The following PPP2R2D variants were observed in gnomAD, a reference collection of about 807,000 sequenced individuals.
PPP2R2D encodes serine/threonine-protein phosphatase 2A 55 kDa regulatory subunit B delta isoform.
PPP2R2D carries 9 observed loss-of-function variants against 31.1 expected under a neutral mutation model. The ratio of observed to expected loss-of-function variants is 0.29; its 90% confidence interval spans 0.17 to 0.51. The LOEUF (loss-of-function observed/expected upper bound fraction) is 0.51. PPP2R2D is among the 20% of genes least tolerant of loss of function. The pLI is 0.98. For missense variants in PPP2R2D, 391 were observed against 465.6 expected (o/e 0.84, Z 1.48); for synonymous variants, 179 against 172.6 (o/e 1.04, Z -0.29).
In PPP2R2D at chr10:131,934,292, A is replaced by G. The variant is rs145402639; in HGVS notation, c.101-166A>G. Among the ~76,000 whole-genome samples the G allele has an allele frequency of 6.9e-3, 1,048 of 152,258 alleles. 11 individuals carry two copies. The highest frequency in any genetic ancestry group is 0.024 in the African/African-American group (1,004 of 41,546). On this transcript the variant is annotated intron_variant, in intron 2 of 8. Transcript: ENST00000455566. ...CGGCAGGTTCTCTGCACCAGAACCA[A>G]TAAGTGGCCACTTGGTAATTACAAG...
At chr10:131,938,036 G>A (rs536488863) in intron 3 of PPP2R2D, among the ~76,000 whole-genome samples, 134 of 152,148 alleles carry the variant, frequency 8.8e-4, no homozygotes, top group African/African-American at 2.9e-3. Context: ...GCTCCTGCCC[G>A]TGGAGGCTTC....
Position 131,926,342 on chromosome 10 carries a change from G to A in PPP2R2D, c.101-8116G>A, listed in dbSNP as rs182513831. 8.0e-4 allele frequency among the ~76,000 whole-genome samples: 122 copies of A among 152,242 alleles called. 2 individuals are homozygous for A. Among genetic ancestry groups the A allele is most frequent in the Admixed American group, 3.6e-3 (55 of 15,292 alleles). The stretch of plus-strand genomic sequence containing the variant: ...TCTTTGAAAAGACACAGAAACGTGT[G>A]TATATGTGTGTGCGTGTGCATCTGT... On this transcript the variant is annotated intron_variant, in intron 2 of 8. Transcript: ENST00000455566.
intron 2 of PPP2R2D, among the ~76,000 whole-genome samples, chr10:131,928,887 A>G (rs1049137318): frequency 1.3e-5 from 2 of 152,242 alleles, no homozygotes; most frequent in East Asian, 1.9e-4. Flanking sequence ...TCTCGGGACA[A>G]GAAGAGCTGA....
chr10:131,910,434 T>G (rs2119736363), intron 2 of PPP2R2D, among the ~76,000 whole-genome samples: 1 of 152,368 alleles, frequency 6.6e-6, no homozygotes. Flanking sequence ...TCCAAAATTC[T>G]AATTTTCTCT....
intron 8 of PPP2R2D, among the ~76,000 whole-genome samples, chr10:131,952,756 CG>C (rs1322361772): frequency 1.8e-4 from 8 of 45,644 alleles, no homozygotes; most frequent in East Asian, 6.7e-4. Context: ...TGCGGGTGTG[CG>C]GGGGGTTCAC....
chr10:131,911,035 C>G (rs2035674928), intron 2 of PPP2R2D, among the ~76,000 whole-genome samples: 1 of 152,188 alleles, frequency 6.6e-6, no homozygotes, highest in Non-Finnish European at 1.5e-5. Context: ...TAATAAACCG[C>G]TAAACTAAAG....
chr10:131,939,754 G>A (rs983770642), intron 3 of PPP2R2D: 22 of 225,624 alleles, frequency 9.8e-5, no homozygotes, highest in African/African-American at 2.7e-4. Context: ...CAGAAAATAC[G>A]GCAGGCTGCA....
intron 2 of PPP2R2D, among the ~76,000 whole-genome samples, chr10:131,923,673 G>A (rs2036039011): frequency 6.6e-6 from 1 of 152,096 alleles, no homozygotes; most frequent in Non-Finnish European, 1.5e-5. Context: ...TATTTCCCTA[G>A]TGATTAATGG....
chr10:131,932,646 C>CAAAAAA lies in PPP2R2D; in HGVS notation c.101-1795_101-1790dup, dbSNP rs368610703. Among the ~76,000 whole-genome samples, 94 of 57,846 alleles carry CAAAAAA rather than the reference C, an allele frequency of 1.6e-3. 3 individuals are homozygous for CAAAAAA. Among genetic ancestry groups the CAAAAAA allele is most frequent in the African/African-American group, 4.2e-3 (60 of 14,416 alleles). The allele number at this position is 57,846 out of a possible 152,430, so 37.9% of individuals were successfully genotyped here. On this transcript the variant is annotated intron_variant, in intron 2 of 8. Transcript: ENST00000455566. Reference sequence around the variant, plus strand: ...CGCGCCACTGTACTCCAGCCTGTCTCAAAAAAAAAAAAAAAAAAAAAACAC... The same window carrying CAAAAAA: ...CGCGCCACTGTACTCCAGCCTGTCTCAAAAAAAAAAAAAAAAAAAAAAAAAAAACAC...
chr10:131,966,805 C>T, the PPP2R2D span: 3 of 152,220 alleles, frequency 2.0e-5, no homozygotes, highest in African/African-American at 7.2e-5. Flanking sequence ...CTACCTCAGC[C>T]TCCCAAAGTG....
rs781799098 is a variant in PPP2R2D at position 131,947,803 on chromosome 10, G to A, written c.1082+12G>A. On this transcript the variant is annotated intron_variant, in intron 8 of 8. Coordinates refer to ENST00000455566, the MANE Select transcript of PPP2R2D (RefSeq NM_018461.5). This position sits in a 1 kb window ranked among gnomAD's most constrained non-coding sequence, Gnocchi z 4.3. ...AACGGTTCGGATAGGTAAGGCCTGCGTGGAGATGAGCTGTCGCCCCAAGCT... is the reference window on the plus strand; with the variant it reads ...AACGGTTCGGATAGGTAAGGCCTGCATGGAGATGAGCTGTCGCCCCAAGCT... The A allele has an allele frequency of 1.6e-5, 26 of 1,607,456 alleles. No individual in the cohort carries two copies. Among genetic ancestry groups the A allele is most frequent in the East Asian group, 2.2e-5 (1 of 44,708 alleles).
chr10:131,918,519 T>A (rs1373415878), intron 2 of PPP2R2D, among the ~76,000 whole-genome samples: 1 of 141,068 alleles, frequency 7.1e-6, no homozygotes, highest in Non-Finnish European at 1.5e-5. Flanking sequence ...TGTAGGGACC[T>A]CAGGCCGGTG....
intron 2 of PPP2R2D, among the ~76,000 whole-genome samples, chr10:131,905,855 G>A (rs1425552972): frequency 3.3e-5 from 5 of 152,342 alleles, no homozygotes; most frequent in South Asian, 4.1e-4. Flanking sequence ...GCATGCGGCC[G>A]TCCAGCCTTG....
At chr10:131,943,554 G>A (rs1164429993) in intron 5 of PPP2R2D, among the ~76,000 whole-genome samples, 2 of 152,152 alleles carry the variant, frequency 1.3e-5, no homozygotes, top group Non-Finnish European at 2.9e-5. Context: ...CTAGTGCAGT[G>A]AGAAGAGGTG....
intron 2 of PPP2R2D, among the ~76,000 whole-genome samples, chr10:131,906,688 A>C (rs919385314): frequency 6.6e-6 from 1 of 151,952 alleles, no homozygotes; most frequent in East Asian, 1.9e-4. Context: ...CAGGAGGCCA[A>C]GATGGCAGGA....
At chr10:131,965,748 G>A in the PPP2R2D span, among the ~76,000 whole-genome samples, 137 of 152,270 alleles carry the variant, frequency 9.0e-4, 1 homozygote, top group African/African-American at 3.2e-3. Flanking sequence ...GCCTGGCCGG[G>A]GGCTGTCTTC....
At chr10:131,938,166 A>G (rs573881802) in intron 3 of PPP2R2D, among the ~76,000 whole-genome samples, 1 of 152,336 alleles carries the variant, frequency 6.6e-6, no homozygotes, top group African/African-American at 2.4e-5. Flanking sequence ...ACTCTGCAGC[A>G]GTGCGGGTGT....
intron 8 of PPP2R2D, among the ~76,000 whole-genome samples, chr10:131,952,828 GT>G (rs1221095116): frequency 1.3e-4 from 11 of 84,080 alleles, no homozygotes; most frequent in Non-Finnish European, 2.1e-4. Flanking sequence ...GGGTGTGTGT[GT>G]GGGGTTCACT....
At position 131,956,316 on chromosome 10, in the gene PPP2R2D, C is replaced by G; in HGVS notation, c.*353C>G. ...AGAAAAGTTATTGTCAGATACCGCT[C>G]TTTCTCCAACTTTCCCTCTTTCTCT... On this transcript the variant is annotated 3_prime_UTR_variant, in exon 9 of 9. Transcript: ENST00000455566. 1.0e-6 allele frequency: 1 copy of G among 998,638 alleles called. No individual in the cohort carries two copies. The highest frequency in any genetic ancestry group is 1.2e-6 in the Non-Finnish European group (1 of 839,012). The allele number at this position is 998,638 out of a possible 1,614,324, so 61.9% of individuals were successfully genotyped here.
Sources: gnomAD v4.1 joint callset for allele counts (sites outside exome capture counted in the v4.1 genomes callset) on GRCh38, gnomAD v4.1.1 for gene constraint, Gnocchi (gnomAD v3.1) non-coding constraint, MANE v1.5 for transcripts, NCBI Gene and HGNC (gene_info 2026-07-23, HGNC 2026-07-21) for gene names.